Variants in HPSE2 observed in about 807,000 individuals in gnomAD.
HPSE2 encodes inactive heparanase-2.
Under a neutral mutation model 60.5 loss-of-function variants are expected in HPSE2, and 38 were observed. That is an observed-to-expected ratio of 0.63 (90% CI 0.48 to 0.82). The LOEUF (loss-of-function observed/expected upper bound fraction) is 0.82, where lower values mean the gene tolerates loss of function less well. Among genes scored for constraint, HPSE2 ranks in the 40% least tolerant of loss-of-function variants. HPSE2 has a pLI of 0.00. For missense variants in HPSE2, 713 were observed against 740.4 expected, an observed-to-expected ratio of 0.96 and a Z score of 0.43; for synonymous variants, 295 against 293.2, an observed-to-expected ratio of 1.01 and a Z score of -0.06.
intron 6 of HPSE2, among the ~76,000 whole-genome samples, chr10:98,677,267 T>C (rs919908523): frequency 1.3e-5 from 2 of 152,220 alleles, no homozygotes; most frequent in African/African-American, 4.8e-5. Flanking sequence ...TAACTATCTT[T>C]TGAATGAATT....
At chr10:98,560,303 C>A (rs776412629) in intron 9 of HPSE2, among the ~76,000 whole-genome samples, 1 of 152,192 alleles carries the variant, frequency 6.6e-6, no homozygotes, top group Non-Finnish European at 1.5e-5. Flanking sequence ...TCTCTCTATT[C>A]GTTTCCTGAT....
chr10:99,129,595 G>A (rs561199749), intron 3 of HPSE2, among the ~76,000 whole-genome samples: 7 of 151,624 alleles, frequency 4.6e-5, no homozygotes, highest in Non-Finnish European at 1.0e-4. Context: ...AATCATAACC[G>A]TGATTCAACT....
intron 3 of HPSE2, among the ~76,000 whole-genome samples, chr10:99,075,840 C>T (rs959594676): frequency 2.0e-5 from 3 of 152,088 alleles, no homozygotes; most frequent in Admixed American, 2.0e-4. Flanking sequence ...AGCCACTCTG[C>T]TCTCTTTTGG....
At chr10:98,739,073 A>T (rs1949430121) in intron 4 of HPSE2, among the ~76,000 whole-genome samples, 1 of 152,212 alleles carries the variant, frequency 6.6e-6, no homozygotes, top group South Asian at 2.1e-4. Context: ...GAACGAACCC[A>T]AATGCCCGTC....
intron 9 of HPSE2, among the ~76,000 whole-genome samples, chr10:98,534,140 G>A (rs10883118): frequency 0.28 from 42,292 of 152,094 alleles, 6,293 homozygotes; most frequent in East Asian, 0.49. Context: ...ATGGAGGAAT[G>A]GGTGGCATCT....
intron 3 of HPSE2, among the ~76,000 whole-genome samples, chr10:98,772,083 G>C (rs1312635109): frequency 6.6e-6 from 1 of 152,158 alleles, no homozygotes; most frequent in Non-Finnish European, 1.5e-5. Context: ...TAACCGTAAG[G>C]ATGGTGGTTG....
the HPSE2 span, among the ~76,000 whole-genome samples, chr10:99,276,360 A>T: frequency 6.6e-6 from 1 of 152,150 alleles, no homozygotes; most frequent in African/African-American, 2.4e-5. Flanking sequence ...TCTATAGAAA[A>T]GTAATAAAAT....
At chr10:98,622,294 C>A (rs1946094351) in intron 7 of HPSE2, among the ~76,000 whole-genome samples, 1 of 151,616 alleles carries the variant, frequency 6.6e-6, no homozygotes, top group African/African-American at 2.4e-5. Flanking sequence ...CACTAAATAC[C>A]CTATAATGAC....
intron 3 of HPSE2, among the ~76,000 whole-genome samples, chr10:99,047,228 C>T (rs1159392283): frequency 6.6e-6 from 1 of 152,072 alleles, no homozygotes; most frequent in Non-Finnish European, 1.5e-5. Flanking sequence ...GGGAAAGGAA[C>T]TCCTATTTGA....
intron 7 of HPSE2, among the ~76,000 whole-genome samples, chr10:98,635,448 T>C (rs10160094): frequency 0.12 from 18,294 of 152,142 alleles, 1,953 homozygotes; most frequent in East Asian, 0.3. Context: ...GCAGTACTAT[T>C]CACAATAGTC....
At chr10:98,953,926 ATGC>A (rs973698270) in intron 3 of HPSE2, among the ~76,000 whole-genome samples, 6 of 152,212 alleles carry the variant, frequency 3.9e-5, no homozygotes, top group Non-Finnish European at 5.9e-5. Context: ...CATAATCAAA[ATGC>A]TGATTATACT....
At chr10:99,166,850 G>GA (rs759727683) in intron 2 of HPSE2, among the ~76,000 whole-genome samples, 3,717 of 124,596 alleles carry the variant, frequency 0.03, 128 homozygotes, top group African/African-American at 0.099. Flanking sequence ...CCATCTCAAA[G>GA]AAAAAAAAAA....
At chr10:99,109,781 A>G (rs182137504) in intron 3 of HPSE2, among the ~76,000 whole-genome samples, 2 of 152,312 alleles carry the variant, frequency 1.3e-5, no homozygotes, top group East Asian at 3.9e-4. Context: ...GCTAGTTCAT[A>G]AGAAAAGATA....
chr10:98,565,323 C>T (rs1944311084), intron 9 of HPSE2, among the ~76,000 whole-genome samples: 1 of 151,798 alleles, frequency 6.6e-6, no homozygotes, highest in Non-Finnish European at 1.5e-5. Context: ...TCTCACTCCC[C>T]TTGTCCCCCA....
At chr10:99,042,831 G>A (rs1957770747) in intron 3 of HPSE2, among the ~76,000 whole-genome samples, 1 of 152,132 alleles carries the variant, frequency 6.6e-6, no homozygotes, top group South Asian at 2.1e-4. Context: ...TCTCCACACT[G>A]CAATACAGAG....
Position 99,185,154 on chromosome 10 carries a change from A to T in HPSE2, c.449-40755T>A, listed in dbSNP as rs546030635. On this transcript the variant is annotated intron_variant, in intron 2 of 11. Coordinates refer to ENST00000370552, the MANE Select transcript of HPSE2 (RefSeq NM_021828.5). ...GTCTCGACTAAATATACAAAAAAAA[A>T]TTAGCCAGGTGTGATGACGTACACT... 7.2e-5 allele frequency among the ~76,000 whole-genome samples: 11 copies of T among 151,864 alleles called. No individual in the cohort carries two copies. In the East Asian group the frequency reaches 2.0e-3, roughly 27 times the overall value.
chr10:98,693,822 A>C (rs1011719591), intron 6 of HPSE2, 78 bp downstream of exon 6: 10 of 1,145,346 alleles, frequency 8.7e-6, no homozygotes, highest in Non-Finnish European at 1.2e-5. Flanking sequence ...AATGTCAGTT[A>C]TGAACTTAGT....
chr10:98,991,103 T>TA (rs1015446808), intron 3 of HPSE2, among the ~76,000 whole-genome samples: 15 of 152,214 alleles, frequency 9.9e-5, no homozygotes, highest in Admixed American at 7.2e-4. Flanking sequence ...ACCCATTTTT[T>TA]AAAAATGTCT....
chr10:99,195,348 T>C (rs1848357587), intron 2 of HPSE2, among the ~76,000 whole-genome samples: 2 of 151,660 alleles, frequency 1.3e-5, no homozygotes, highest in South Asian at 4.2e-4. Context: ...AGCATAGTAC[T>C]GGAAGTTCTA....
Sources: gnomAD v4.1 joint callset for allele counts (sites outside exome capture counted in the v4.1 genomes callset) on GRCh38, gnomAD v4.1.1 for gene constraint, MANE v1.5 for transcripts, NCBI Gene and HGNC (gene_info 2026-07-23, HGNC 2026-07-21) for gene names.